Variants in NANOS1 observed in about 807,000 individuals in gnomAD.
The protein encoded by NANOS1 is nanos homolog 1.
NANOS1 carries 1 observed loss-of-function variant against 1.1 expected under a neutral mutation model. The ratio of observed to expected loss-of-function variants is 0.88; its 90% CI spans 0.31 to 4.20. NANOS1 has a LOEUF of 4.20. Among genes scored for constraint, NANOS1 ranks in the 30% most tolerant of loss-of-function variants. NANOS1 has a pLI of 0.17. For synonymous variants in NANOS1, 252 were observed against 230.6 expected (o/e 1.09, Z -0.84); for missense variants, 537 against 457.9 (o/e 1.17, Z -1.58).
In NANOS1 at chr10:119,030,510, G is replaced by C; in HGVS notation, c.709G>C (p.Gly237Arg). The change falls in exon 1 of 1, where the codon GGG becomes CGG. Residue 237 changes from glycine to arginine, a missense_variant. Transcript: ENST00000425699. This position sits in a 1 kb window ranked among gnomAD's most constrained non-coding sequence, Gnocchi z 5.3. ...CACCCATATCCTCAAGGGCCCCGACGGGCGAGTGCTGTGTCCCGTGCTGCG... is the reference window on the plus strand; with the variant it reads ...CACCCATATCCTCAAGGGCCCCGACCGGCGAGTGCTGTGTCCCGTGCTGCG... ...YTTHILKGPDGRVLCPVLRRY... is the reference protein window; with the variant it reads ...YTTHILKGPDRRVLCPVLRRY... 2 of 1,515,384 alleles carry C rather than the reference G, an allele frequency of 1.3e-6. No homozygotes were observed. The highest frequency in any genetic ancestry group is 1.9e-5 in the Admixed American group (1 of 51,536). 93.9% of individuals were successfully genotyped at this position (1,515,384 alleles called of 1,614,324 possible).
chr10:119,033,481 G>C lies in NANOS1; in HGVS notation c.*2801G>C, dbSNP rs1220845906. On this transcript the variant is annotated 3_prime_UTR_variant, in exon 1 of 1. Transcript: ENST00000425699. The stretch of plus-strand genomic sequence containing the variant: ...CTTCATAAGAACATGCTGCATACTT[G>C]CCTAGTAGCAAAACAATACAGGGAA... 1 of 167,026 alleles carries C rather than the reference G, an allele frequency of 6.0e-6. No individual in the cohort carries two copies. The highest frequency in any genetic ancestry group is 1.5e-5 in the Non-Finnish European group (1 of 68,100). 10.3% of individuals were successfully genotyped at this position (167,026 alleles called of 1,614,324 possible).
Position 119,030,143 on chromosome 10 carries a change from C to T in NANOS1, c.342C>T (p.Asp114=). Reference sequence around the variant, plus strand: ...ACGAGGACGACGACGACGACAGCGACGAGCCGGGGTCCCGGGGCCGCTACC... The same window carrying T: ...ACGAGGACGACGACGACGACAGCGATGAGCCGGGGTCCCGGGGCCGCTACC... The part of the protein sequence containing the change: ...DYDEDDDDDS[D]EPGSRGRYLG... The change falls in exon 1 of 1, where the codon GAC becomes GAT. Residue 114 remains aspartate, a synonymous_variant. Coordinates refer to ENST00000425699, the MANE Select transcript of NANOS1 (RefSeq NM_199461.4). The surrounding 1 kb of genome is among the most constrained non-coding windows in gnomAD (Gnocchi z 5.3). The T allele has an allele frequency of 7.4e-7, 1 of 1,353,076 alleles. No homozygotes were observed. Among genetic ancestry groups the T allele is most frequent in the Non-Finnish European group, 9.5e-7 (1 of 1,056,902 alleles). The allele number at this position is 1,353,076 out of a possible 1,614,324, so 83.8% of individuals were successfully genotyped here.
chr10:119,029,764 C>CGGCGGCGGGGA lies in NANOS1; in HGVS notation c.-30_-20dup, dbSNP rs1349099194. 7.2e-6 allele frequency: 7 copies of CGGCGGCGGGGA among 974,468 alleles called. No individual in the cohort carries two copies. The highest frequency in any genetic ancestry group is 6.3e-5 in the Admixed American group (1 of 15,816). 60.4% of individuals were successfully genotyped at this position (974,468 alleles called of 1,614,324 possible). A position where few individuals can be genotyped will look rare whatever the true frequency, so the allele number is the denominator to read the frequency against. On this transcript the variant is annotated 5_prime_UTR_variant, in exon 1 of 1. Coordinates refer to ENST00000425699, the MANE Select transcript of NANOS1 (RefSeq NM_199461.4). ...CGTGTCCCTTCCGTCCGGCCCGCGC[C>CGGCGGCGGGGA]GGCGGCGGGGAGGCGGCGCGCGGCC...
At position 119,030,757 on chromosome 10, in the gene NANOS1, G is replaced by A; in HGVS notation, c.*77G>A. 1.6e-6 allele frequency: 2 copies of A among 1,242,514 alleles called. No individual in the cohort carries two copies. The highest frequency in any genetic ancestry group is 3.2e-4 in the Middle Eastern group (1 of 3,132). The allele number at this position is 1,242,514 out of a possible 1,614,324, so 77.0% of individuals were successfully genotyped here. Reference sequence around the variant, plus strand: ...GTCTGCGCACCATCTCGCCCCCGCCGTGGGGAGGCGTGCGGCTCAGCGGTC... The same window carrying A: ...GTCTGCGCACCATCTCGCCCCCGCCATGGGGAGGCGTGCGGCTCAGCGGTC... On this transcript the variant is annotated 3_prime_UTR_variant, in exon 1 of 1. Transcript: ENST00000425699. This position sits in a 1 kb window ranked among gnomAD's most constrained non-coding sequence, Gnocchi z 5.3.
In NANOS1 at chr10:119,030,607, A is replaced by G; in HGVS notation, c.806A>G (p.Lys269Arg). The change falls in exon 1 of 1, where the codon AAA becomes AGA. Residue 269 changes from lysine (K) to arginine (R), a missense_variant. Transcript: ENST00000425699. The surrounding 1 kb of genome is among the most constrained non-coding windows in gnomAD (Gnocchi z 5.3). Reference protein sequence around the residue: ...AHTIKYCPLSKVPPPPARPPP... With the variant: ...AHTIKYCPLSRVPPPPARPPP... The stretch of plus-strand genomic sequence containing the variant: ...ACCATCAAGTACTGCCCGCTCTCCA[A>G]AGTGCCGCCGCCGCCCGCCCGCCCG... 6.7e-7 allele frequency: 1 copy of G among 1,490,684 alleles called. No individual in the cohort carries two copies. The highest frequency in any genetic ancestry group is 8.9e-7 in the Non-Finnish European group (1 of 1,123,118). 92.3% of individuals were successfully genotyped at this position (1,490,684 alleles called of 1,614,324 possible). A position where few individuals can be genotyped will look rare whatever the true frequency, so the allele number is the denominator to read the frequency against.
In NANOS1 at chr10:119,030,552, C is replaced by G. The variant is rs1223513939; in HGVS notation, c.751C>G (p.Leu251Val). Reference sequence around the variant, plus strand: ...CGTGCTGCGCCGCTACACGTGTCCCCTGTGCGGCGCCAGCGGCGACAACGC... The same window carrying G: ...CGTGCTGCGCCGCTACACGTGTCCCGTGTGCGGCGCCAGCGGCGACAACGC... ...CPVLRRYTCP[L>V]CGASGDNAHT... Residue 251 changes from leucine (L) to valine (V), a missense_variant, in exon 1 of 1, where the codon CTG becomes GTG. By Grantham distance (32) the Leu-to-Val change is conservative. Transcript: ENST00000425699. The surrounding 1 kb of genome is among the most constrained non-coding windows in gnomAD (Gnocchi z 5.3). The G allele has an allele frequency of 1.8e-5, 27 of 1,530,266 alleles. No individual in the cohort carries two copies. The highest frequency in any genetic ancestry group is 2.3e-5 in the Non-Finnish European group (26 of 1,143,570). The allele number at this position is 1,530,266 out of a possible 1,614,324, so 94.8% of individuals were successfully genotyped here.
Position 119,032,898 on chromosome 10 carries a change from A to G in NANOS1, c.*2218A>G, listed in dbSNP as rs1848072407. On this transcript the variant is annotated 3_prime_UTR_variant, in exon 1 of 1. Coordinates refer to ENST00000425699, the MANE Select transcript of NANOS1 (RefSeq NM_199461.4). ...CTACTCAGGCAGCCACTATTCATCT[A>G]TTTTTAAAGTACCCCATTTTCAGGC... 1 of 167,138 alleles carries G rather than the reference A, an allele frequency of 6.0e-6. No individual in the cohort carries two copies. The highest frequency in any genetic ancestry group is 1.5e-5 in the Non-Finnish European group (1 of 68,152). 10.4% of individuals were successfully genotyped at this position (167,138 alleles called of 1,614,324 possible). A position where few individuals can be genotyped will look rare whatever the true frequency, so the allele number is the denominator to read the frequency against.
rs1360774441 is a variant in NANOS1 at position 119,030,641 on chromosome 10, C to T, written c.840C>T (p.Arg280=). 9.1e-6 allele frequency: 13 copies of T among 1,433,650 alleles called. No homozygotes were observed. Among genetic ancestry groups the T allele is most frequent in the Non-Finnish European group, 1.2e-5 (13 of 1,091,352 alleles). 88.8% of individuals were successfully genotyped at this position (1,433,650 alleles called of 1,614,324 possible). Residue 280 remains arginine (R), a synonymous_variant, in exon 1 of 1, where the codon CGC becomes CGT. Transcript: ENST00000425699. The surrounding 1 kb of genome is among the most constrained non-coding windows in gnomAD (Gnocchi z 5.3). ...VPPPPARPPP[R]SARDGPPGKK... is the part of the protein sequence containing the mutation. ...CGCCGCCCGCCCGCCCGCCGCCCCG[C>T]AGCGCCAGGGACGGCCCGCCTGGCA...
At position 119,030,440 on chromosome 10, in the gene NANOS1, G is replaced by C. The variant is rs1589680376; in HGVS notation, c.639G>C (p.Val213=). The C allele has an allele frequency of 4.1e-6, 6 of 1,466,290 alleles. 1 individual carries two copies. The Admixed American group carries it at 1.2e-4, about 30-fold the overall frequency. The allele number at this position is 1,466,290 out of a possible 1,614,324, so 90.8% of individuals were successfully genotyped here. Residue 213 remains valine, a synonymous_variant, in exon 1 of 1, where the codon GTG becomes GTC. Transcript: ENST00000425699. The surrounding 1 kb of genome is among the most constrained non-coding windows in gnomAD (Gnocchi z 5.3). ...GGCTGCTGAAGCCCGAGCTGCAGGTGTGCGTGTTCTGCCGGAACAACAAGG... is the reference window on the plus strand; with the variant it reads ...GGCTGCTGAAGCCCGAGCTGCAGGTCTGCGTGTTCTGCCGGAACAACAAGG... ...AARLLKPELQ[V]CVFCRNNKEA...
At position 119,030,246 on chromosome 10, in the gene NANOS1, G is replaced by T. The variant is rs1848024056; in HGVS notation, c.445G>T (p.Ala149Ser). ...GGCCGGGCTGCTGGAGGAGCGCTTC[G>T]CCGAGCTGAGCCCGTTCGCGGGTCG... ...AEAGLLEERF[A>S]ELSPFAGRAA... Residue 149 changes from alanine to serine, a missense_variant, in exon 1 of 1, where the codon GCC (alanine) becomes TCC (serine). Coordinates refer to ENST00000425699, the MANE Select transcript of NANOS1 (RefSeq NM_199461.4). The surrounding 1 kb of genome is among the most constrained non-coding windows in gnomAD (Gnocchi z 5.3). The T allele has an allele frequency of 7.2e-6, 9 of 1,254,952 alleles. No individual in the cohort carries two copies. Among genetic ancestry groups the T allele is most frequent in the Non-Finnish European group, 9.0e-6 (9 of 1,002,674 alleles). 77.7% of individuals were successfully genotyped at this position (1,254,952 alleles called of 1,614,324 possible). A position where few individuals can be genotyped will look rare whatever the true frequency, so the allele number is the denominator to read the frequency against.
rs1280375887 is a variant in NANOS1, at chr10:119,032,861, A to G, written c.*2181A>G. The G allele has an allele frequency of 1.2e-5, 2 of 167,108 alleles. No homozygotes were observed. 10.4% of individuals were successfully genotyped at this position (167,108 alleles called of 1,614,324 possible). A position where few individuals can be genotyped will look rare whatever the true frequency, so the allele number is the denominator to read the frequency against. ...GAGAGTATTGGAAAAGGAATCCAGAAGACCCTCTCCACTACTCAGGCAGCC... is the reference window on the plus strand; with the variant it reads ...GAGAGTATTGGAAAAGGAATCCAGAGGACCCTCTCCACTACTCAGGCAGCC... On this transcript the variant is annotated 3_prime_UTR_variant, in exon 1 of 1. Coordinates refer to ENST00000425699, the MANE Select transcript of NANOS1 (RefSeq NM_199461.4).
rs896604757 is a variant in NANOS1 at position 119,030,787 on chromosome 10, C to A, written c.*107C>A. On this transcript the variant is annotated 3_prime_UTR_variant, in exon 1 of 1. Coordinates refer to ENST00000425699, the MANE Select transcript of NANOS1 (RefSeq NM_199461.4). The surrounding 1 kb of genome is among the most constrained non-coding windows in gnomAD (Gnocchi z 5.3). ...GAGGCGTGCGGCTCAGCGGTCGGCTCGACATGGGACGTCGTCCTGGTGGTT... is the reference window on the plus strand; with the variant it reads ...GAGGCGTGCGGCTCAGCGGTCGGCTAGACATGGGACGTCGTCCTGGTGGTT... 2.5e-6 allele frequency: 3 copies of A among 1,223,944 alleles called. No homozygotes were observed. The highest frequency in any genetic ancestry group is 3.5e-5 in the East Asian group (1 of 28,808). 75.8% of individuals were successfully genotyped at this position (1,223,944 alleles called of 1,614,324 possible). A position where few individuals can be genotyped will look rare whatever the true frequency, so the allele number is the denominator to read the frequency against.
In NANOS1 at chr10:119,030,076, G is replaced by C. The variant is rs1206610105; in HGVS notation, c.275G>C (p.Gly92Ala). ...SSCCSPHTGAGPGALGPALGP... is the reference protein window; with the variant it reads ...SSCCSPHTGAAPGALGPALGP... ...TGCTGCTCCCCCCACACGGGGGCCG[G>C]GCCTGGGGCGCTGGGGCCGGCGCTG... Residue 92 changes from glycine to alanine, a missense_variant, in exon 1 of 1, where the codon GGG (glycine) becomes GCG (alanine). By Grantham distance (60) the Gly-to-Ala change is moderately conservative (BLOSUM62 0). Coordinates refer to ENST00000425699, the MANE Select transcript of NANOS1 (RefSeq NM_199461.4). This position sits in a 1 kb window ranked among gnomAD's most constrained non-coding sequence, Gnocchi z 5.3. 1.5e-6 allele frequency: 2 copies of C among 1,318,682 alleles called. No homozygotes were observed. The highest frequency in any genetic ancestry group is 6.2e-5 in the East Asian group (2 of 32,050). 81.7% of individuals were successfully genotyped at this position (1,318,682 alleles called of 1,614,324 possible).
chr10:119,031,369 G>A lies in NANOS1; in HGVS notation c.*689G>A, dbSNP rs536347630. 6.0e-6 allele frequency: 1 copy of A among 167,152 alleles called. No individual in the cohort carries two copies. The highest frequency in any genetic ancestry group is 2.1e-4 in the South Asian group (1 of 4,828). 10.4% of individuals were successfully genotyped at this position (167,152 alleles called of 1,614,324 possible). On this transcript the variant is annotated 3_prime_UTR_variant, in exon 1 of 1. Coordinates refer to ENST00000425699, the MANE Select transcript of NANOS1 (RefSeq NM_199461.4). ...AGCAGGTAGAATACAGCTCCTTATC[G>A]TTCTATGTACCAGGTATTTTATTAC...
In NANOS1 at chr10:119,029,859, A is replaced by G. The variant is rs1848014030; in HGVS notation, c.58A>G (p.Met20Val). The G allele has an allele frequency of 8.1e-7, 1 of 1,236,398 alleles. No homozygotes were observed. The highest frequency in any genetic ancestry group is 1.0e-6 in the Non-Finnish European group (1 of 994,176). The allele number at this position is 1,236,398 out of a possible 1,614,324, so 76.6% of individuals were successfully genotyped here. Residue 20 changes from methionine (M) to valine (V), a missense_variant, in exon 1 of 1, where the codon ATG (methionine) becomes GTG (valine). Coordinates refer to ENST00000425699, the MANE Select transcript of NANOS1 (RefSeq NM_199461.4). ...CCGCCGCGGCCGCGCCCCCCCGCCC[A>G]TGGCGCTCGTGCCCAGCGCCCGCTA... ...SPRRGRAPPP[M>V]ALVPSARYVS...
At position 119,030,519 on chromosome 10, in the gene NANOS1, C is replaced by A; in HGVS notation, c.718C>A (p.Leu240Met). 2.0e-6 allele frequency: 3 copies of A among 1,520,594 alleles called. No individual in the cohort carries two copies. Among genetic ancestry groups the A allele is most frequent in the Non-Finnish European group, 2.6e-6 (3 of 1,137,872 alleles). The allele number at this position is 1,520,594 out of a possible 1,614,324, so 94.2% of individuals were successfully genotyped here. A position where few individuals can be genotyped will look rare whatever the true frequency, so the allele number is the denominator to read the frequency against. The change falls in exon 1 of 1, where the codon CTG (leucine) becomes ATG (methionine). Residue 240 changes from leucine to methionine, a missense_variant. Physicochemically the swap from Leu to Met is conservative, Grantham distance 15. Transcript: ENST00000425699. The surrounding 1 kb of genome is among the most constrained non-coding windows in gnomAD (Gnocchi z 5.3). Reference sequence around the variant, plus strand: ...CCTCAAGGGCCCCGACGGGCGAGTGCTGTGTCCCGTGCTGCGCCGCTACAC... The same window carrying A: ...CCTCAAGGGCCCCGACGGGCGAGTGATGTGTCCCGTGCTGCGCCGCTACAC... The part of the protein sequence containing the change: ...HILKGPDGRV[L>M]CPVLRRYTCP...
rs1848083146 is a variant in NANOS1, at chr10:119,033,475, A to G, written c.*2795A>G. On this transcript the variant is annotated 3_prime_UTR_variant, in exon 1 of 1. Coordinates refer to ENST00000425699, the MANE Select transcript of NANOS1 (RefSeq NM_199461.4). Reference sequence around the variant, plus strand: ...AATTATCTTCATAAGAACATGCTGCATACTTGCCTAGTAGCAAAACAATAC... The same window carrying G: ...AATTATCTTCATAAGAACATGCTGCGTACTTGCCTAGTAGCAAAACAATAC... The G allele has an allele frequency of 6.0e-6, 1 of 167,138 alleles. No individual in the cohort carries two copies. The highest frequency in any genetic ancestry group is 1.5e-5 in the Non-Finnish European group (1 of 68,128). The allele number at this position is 167,138 out of a possible 1,614,324, so 10.4% of individuals were successfully genotyped here.
At position 119,030,274 on chromosome 10, in the gene NANOS1, C is replaced by A; in HGVS notation, c.473C>A (p.Ala158Asp). The change falls in exon 1 of 1, where the codon GCC becomes GAC. Residue 158 changes from alanine (A) to aspartate (D), a missense_variant. Transcript: ENST00000425699. This position sits in a 1 kb window ranked among gnomAD's most constrained non-coding sequence, Gnocchi z 5.3. ...FAELSPFAGR[A>D]AAVLLGCAPA... ...GAGCTGAGCCCGTTCGCGGGTCGTG[C>A]CGCCGCCGTGCTGCTGGGCTGCGCG... 1 of 1,225,906 alleles carries A rather than the reference C, an allele frequency of 8.2e-7. No individual in the cohort carries two copies. Among genetic ancestry groups the A allele is most frequent in the Non-Finnish European group, 1.0e-6 (1 of 985,248 alleles). The allele number at this position is 1,225,906 out of a possible 1,614,324, so 75.9% of individuals were successfully genotyped here.
chr10:119,030,762 G>A lies in NANOS1; in HGVS notation c.*82G>A, dbSNP rs1422903604. ...CGCACCATCTCGCCCCCGCCGTGGGGAGGCGTGCGGCTCAGCGGTCGGCTC... is the reference window on the plus strand; with the variant it reads ...CGCACCATCTCGCCCCCGCCGTGGGAAGGCGTGCGGCTCAGCGGTCGGCTC... On this transcript the variant is annotated 3_prime_UTR_variant, in exon 1 of 1. Transcript: ENST00000425699. The surrounding 1 kb of genome is among the most constrained non-coding windows in gnomAD (Gnocchi z 5.3). The A allele has an allele frequency of 8.1e-7, 1 of 1,241,350 alleles. No homozygotes were observed. The highest frequency in any genetic ancestry group is 1.0e-6 in the Non-Finnish European group (1 of 987,024). 76.9% of individuals were successfully genotyped at this position (1,241,350 alleles called of 1,614,324 possible).
Sources: gnomAD v4.1 joint callset for allele counts on GRCh38, gnomAD v4.1.1 for gene constraint, Gnocchi (gnomAD v3.1) non-coding constraint, MANE v1.5 for transcripts, NCBI Gene and HGNC (gene_info 2026-07-23, HGNC 2026-07-21) for gene names.